The following EHBP1 variants were observed in gnomAD, a reference collection of about 807,000 sequenced individuals.
The protein encoded by EHBP1 is EH domain-binding protein 1.
Under a neutral mutation model 144.0 loss-of-function variants are expected in EHBP1, and 55 were observed. The observed-to-expected ratio is 0.38, with a 90% CI of 0.31 to 0.48. The LOEUF is 0.48. EHBP1 is among the 20% of genes least tolerant of loss of function. EHBP1 has a pLI of 0.98. For missense variants in EHBP1, 1,200 were observed against 1,364.2 expected (o/e 0.88, Z 1.90); for synonymous variants, 469 against 472.7 (o/e 0.99, Z 0.10).
chr2:62,722,213 C>T (rs2036297583), intron 2 of EHBP1, among the ~76,000 whole-genome samples: 1 of 151,832 alleles, frequency 6.6e-6, no homozygotes, highest in African/African-American at 2.4e-5. Context: ...CTCACTGCAA[C>T]CTCTGCCTCC....
chr2:62,729,199 T>C (rs1301816290), intron 2 of EHBP1, among the ~76,000 whole-genome samples: 1 of 147,758 alleles, frequency 6.8e-6, no homozygotes, highest in African/African-American at 2.5e-5. Context: ...TATTCTTTTT[T>C]TTTTTCCTCA....
At chr2:63,036,906 CAT>C (rs998694437) in intron 19 of EHBP1, among the ~76,000 whole-genome samples, 1 of 151,762 alleles carries the variant, frequency 6.6e-6, no homozygotes, top group Non-Finnish European at 1.5e-5. Flanking sequence ...ACTCTGCTCA[CAT>C]GTTTTCTGAA....
At chr2:62,981,263 TC>T (rs1427065466) in intron 15 of EHBP1, among the ~76,000 whole-genome samples, 1 of 152,108 alleles carries the variant, frequency 6.6e-6, no homozygotes, top group Non-Finnish European at 1.5e-5. Context: ...ATTAGATGCT[TC>T]TTTTATCGTA....
chr2:62,956,896 G>A (rs1178149398), intron 14 of EHBP1, among the ~76,000 whole-genome samples: 1 of 152,136 alleles, frequency 6.6e-6, no homozygotes, highest in African/African-American at 2.4e-5. Context: ...TCTCCATATG[G>A]TCTCTCTACT....
At chr2:63,026,533 T>C (rs761907794) in intron 19 of EHBP1, among the ~76,000 whole-genome samples, 2 of 152,144 alleles carry the variant, frequency 1.3e-5, no homozygotes, top group African/African-American at 2.4e-5. Flanking sequence ...AACTGAGTCT[T>C]AGGGAGAATA....
At chr2:62,751,920 T>G (rs1417247497) in intron 3 of EHBP1, among the ~76,000 whole-genome samples, 1 of 152,142 alleles carries the variant, frequency 6.6e-6, no homozygotes, top group African/African-American at 2.4e-5. Flanking sequence ...TTTGTTGATC[T>G]TTTCAAAAAA....
chr2:62,814,601 A>G (rs889262941), intron 5 of EHBP1, among the ~76,000 whole-genome samples: 1 of 152,254 alleles, frequency 6.6e-6, no homozygotes, highest in African/African-American at 2.4e-5. Flanking sequence ...GGGCATGAAC[A>G]GAATCAGGCA....
At chr2:62,943,352 G>A (rs1251003668) in intron 11 of EHBP1, among the ~76,000 whole-genome samples, 2 of 138,336 alleles carry the variant, frequency 1.4e-5, no homozygotes, top group Admixed American at 7.7e-5. Flanking sequence ...CTCCAGCCTG[G>A]GCAACAAGAG....
chr2:62,764,644 G>A (rs2041034862), intron 4 of EHBP1, among the ~76,000 whole-genome samples: 1 of 152,070 alleles, frequency 6.6e-6, no homozygotes, highest in African/African-American at 2.4e-5. Context: ...TGCCTTCCCT[G>A]TGGAAAGCTG....
intron 2 of EHBP1, among the ~76,000 whole-genome samples, chr2:62,739,402 T>TC (rs1261030222): frequency 2.6e-5 from 4 of 151,810 alleles, no homozygotes; most frequent in Non-Finnish European, 5.9e-5. Flanking sequence ...TTTTTTTTTT[T>TC]CTGCTATCTT....
intron 7 of EHBP1, among the ~76,000 whole-genome samples, chr2:62,854,457 AT>A (rs1200778716): frequency 1.3e-5 from 2 of 152,328 alleles, no homozygotes; most frequent in South Asian, 2.1e-4. Flanking sequence ...CTAGCTTTTC[AT>A]TTAAAGGGAG....
At chr2:63,002,161 C>G (rs543101798) in intron 19 of EHBP1, among the ~76,000 whole-genome samples, 2 of 152,132 alleles carry the variant, frequency 1.3e-5, no homozygotes, top group Non-Finnish European at 2.9e-5. Context: ...AGAAGGTTCT[C>G]AAATTTGAAC....
intron 2 of EHBP1, among the ~76,000 whole-genome samples, chr2:62,717,031 G>A (rs922500327): frequency 6.6e-6 from 1 of 152,154 alleles, no homozygotes; most frequent in Admixed American, 6.5e-5. Flanking sequence ...CCCCTCAAAA[G>A]TGCTGGGATT....
At chr2:63,020,563 A>G (rs967346969) in intron 19 of EHBP1, among the ~76,000 whole-genome samples, 1 of 152,034 alleles carries the variant, frequency 6.6e-6, no homozygotes, top group African/African-American at 2.4e-5. Flanking sequence ...TACTTCAGAA[A>G]GTTATGAGTA....
intron 14 of EHBP1, among the ~76,000 whole-genome samples, chr2:62,956,882 G>A (rs1027795797): frequency 2.0e-5 from 3 of 152,064 alleles, no homozygotes; most frequent in Non-Finnish European, 4.4e-5. Flanking sequence ...ACCTACATGT[G>A]GCCTCTCCAT....
intron 1 of EHBP1, among the ~76,000 whole-genome samples, chr2:62,682,905 C>A (rs2033579732): frequency 6.6e-6 from 1 of 152,018 alleles, no homozygotes; most frequent in Admixed American, 6.6e-5. Flanking sequence ...TATGAAATGG[C>A]TAAACATGTA....
chr2:62,807,536 G>A (rs1001761077), intron 5 of EHBP1, among the ~76,000 whole-genome samples: 40 of 152,100 alleles, frequency 2.6e-4, no homozygotes, highest in Non-Finnish European at 2.6e-4. Context: ...CAATAAGAGC[G>A]AAACTCCGCC....
chr2:62,780,909 G>A (rs72807578), intron 5 of EHBP1, among the ~76,000 whole-genome samples: 42,093 of 142,132 alleles, frequency 0.3, 6,510 homozygotes, highest in Middle Eastern at 0.5. Context: ...TCAGTATTTG[G>A]AGATTATTCG....
At chr2:62,852,027 T>A (rs1158885149) in intron 7 of EHBP1, among the ~76,000 whole-genome samples, 1 of 152,194 alleles carries the variant, frequency 6.6e-6, no homozygotes, top group Non-Finnish European at 1.5e-5. Context: ...TAGTATTTTT[T>A]AAAATGCCGA....
Sources: allele counts gnomAD v4.1 joint callset (sites outside exome capture counted in the v4.1 genomes callset), GRCh38; gene constraint gnomAD v4.1.1; transcripts MANE v1.5; gene names NCBI Gene and HGNC (gene_info 2026-07-23, HGNC 2026-07-21).